The following PKD2 variants were observed in gnomAD, a reference collection of about 807,000 sequenced individuals.
PKD2 encodes the protein polycystin 2, transient receptor potential cation channel, also known as polycystin-2.
In PKD2, 48 loss-of-function variants were observed where a neutral mutation model predicts 105.9. That is an observed-to-expected ratio of 0.45 (90% CI 0.36 to 0.58). PKD2 has a LOEUF of 0.58. Ranked by LOEUF, PKD2 falls within the 20% of genes least tolerant of loss-of-function variation. The pLI, the probability that PKD2 is intolerant of heterozygous loss-of-function variation, is 0.00. For synonymous variants in PKD2, 464 were observed against 481.1 expected (o/e 0.96, Z 0.46); for missense variants, 1,078 against 1,255.3 (o/e 0.86, Z 2.13).
intron 1 of PKD2, among the ~76,000 whole-genome samples, chr4:88,011,907 AG>A (rs1726397115): frequency 2.4e-5 from 1 of 40,928 alleles, no homozygotes; most frequent in Non-Finnish European, 4.8e-5. Flanking sequence ...GGGGGGGGGG[AG>A]GGGCAGTTTT....
At chr4:88,072,331 C>T (rs1243855838) in intron 13 of PKD2, among the ~76,000 whole-genome samples, 3 of 152,152 alleles carry the variant, frequency 2.0e-5, no homozygotes, top group Non-Finnish European at 4.4e-5. Flanking sequence ...TTCCCTGGTT[C>T]TCTCTGGTGA....
rs146214957 is a variant in PKD2, at chr4:88,071,561, TTTG to T, written c.2523-3233_2523-3231del. Among the ~76,000 whole-genome samples, 797 of 152,110 alleles carry T rather than the reference TTTG, an allele frequency of 5.2e-3. 3 individuals are homozygous for T. The highest frequency in any genetic ancestry group is 0.016 in the African/African-American group (681 of 41,486). On this transcript the variant is annotated intron_variant, in intron 13 of 14. Coordinates refer to ENST00000237596, the MANE Select transcript of PKD2 (RefSeq NM_000297.4). ...TTTGTTTTGTTTTTTGTTGTTTTGTTTTGTTGTTGTTGTTGTTGTTAAAGATTG... is the reference window on the plus strand; with the variant it reads ...TTTGTTTTGTTTTTTGTTGTTTTGTTTTGTTGTTGTTGTTGTTAAAGATTG...
At chr4:88,022,341 A>G (rs116718556) in intron 2 of PKD2, among the ~76,000 whole-genome samples, 57 of 152,306 alleles carry the variant, frequency 3.7e-4, no homozygotes, top group African/African-American at 1.3e-3. Flanking sequence ...CTTGTAAATT[A>G]TTAAACTAAA....
intron 2 of PKD2, 95 bp downstream of exon 2, chr4:88,019,666 G>A: frequency 1.3e-6 from 1 of 747,712 alleles, no homozygotes; most frequent in Admixed American, 1.9e-5. Flanking sequence ...GCACCAGAGG[G>A]GCAACTGGGA....
At chr4:88,013,992 G>T (rs77684155) in intron 1 of PKD2, among the ~76,000 whole-genome samples, 1 of 152,276 alleles carries the variant, frequency 6.6e-6, no homozygotes, top group East Asian at 1.9e-4. Flanking sequence ...AGAGGATAGG[G>T]TGAGGTGGGT....
At chr4:88,065,682 C>T in intron 11 of PKD2, 80 bp from the exon 12 acceptor site, 1 of 1,227,778 alleles carries the variant, frequency 8.1e-7, no homozygotes, top group Non-Finnish European at 1.2e-6. Context: ...CTCCTTTCCT[C>T]CTGCATTTTG....
chr4:88,030,150 AT>A (rs1727093827), intron 2 of PKD2, among the ~76,000 whole-genome samples: 1 of 152,072 alleles, frequency 6.6e-6, no homozygotes, highest in Admixed American at 6.6e-5. Context: ...TCTTCCATTT[AT>A]TTATTTATGT....
intron 2 of PKD2, among the ~76,000 whole-genome samples, chr4:88,021,839 C>CT (rs1233974696): frequency 6.6e-6 from 1 of 152,188 alleles, no homozygotes; most frequent in African/African-American, 2.4e-5. Flanking sequence ...AGACAAATAC[C>CT]TAATCTCCTC....
intron 13 of PKD2, 134 bp downstream of exon 13, chr4:88,068,195 A>G: frequency 1.2e-6 from 1 of 824,618 alleles, no homozygotes; most frequent in Non-Finnish European, 2.0e-6. Context: ...TACTGGCCAG[A>G]CGCAGTGGCT....
At chr4:88,066,010 G>C (rs188086267) in intron 12 of PKD2, 131 bp downstream of exon 12, 17 of 719,574 alleles carry the variant, frequency 2.4e-5, no homozygotes, top group African/African-American at 2.1e-4. Flanking sequence ...TCTCTCAGTC[G>C]GTTTATGTGT....
intron 10 of PKD2, among the ~76,000 whole-genome samples, chr4:88,063,240 C>CA (rs2110135552): frequency 6.6e-6 from 1 of 152,284 alleles, no homozygotes; most frequent in Admixed American, 6.5e-5. Flanking sequence ...TGACATTTTA[C>CA]AAAAATGGAT....
chr4:88,064,496 T>C (rs1030433258), intron 10 of PKD2, among the ~76,000 whole-genome samples: 1 of 152,212 alleles, frequency 6.6e-6, no homozygotes, highest in African/African-American at 2.4e-5. Flanking sequence ...CAATTGTAAT[T>C]CTTCCCACTG....
intron 2 of PKD2, among the ~76,000 whole-genome samples, chr4:88,033,095 G>C (rs6850829): frequency 0.4 from 60,385 of 151,846 alleles, 12,716 homozygotes; most frequent in African/African-American, 0.54. Flanking sequence ...CCTGGGACCT[G>C]GCACAGGAGA....
Position 88,075,685 on chromosome 4 carries a change from C to T in PKD2, c.2898C>T (p.Val966=), listed in dbSNP as rs764990967. The T allele has an allele frequency of 6.2e-7, 1 of 1,606,080 alleles. No individual in the cohort carries two copies. Among genetic ancestry groups the T allele is most frequent in the South Asian group, 1.1e-5 (1 of 90,930 alleles). Residue 966 remains valine (V), a synonymous_variant, in exon 15 of 15, where the codon GTC becomes GTT. Coordinates refer to ENST00000237596, the MANE Select transcript of PKD2 (RefSeq NM_000297.4). ...EGAGGNGSSN[V]HV ...CAGGTGGAAATGGGAGTTCTAATGT[C>T]CACGTATGATATGTGTGTTTCAGTA...
Position 88,075,562 on chromosome 4 carries a change from C to G in PKD2, c.2775C>G (p.Ile925Met), listed in dbSNP as rs1374675578. Reference protein sequence around the residue: ...RWESDDAASQISHGLGTPVGL... With the variant: ...RWESDDAASQMSHGLGTPVGL... ...AATCCGATGATGCAGCTTCCCAGAT[C>G]AGTCATGGTTTAGGCACGCCAGTGG... The change falls in exon 15 of 15, where the codon ATC becomes ATG. Residue 925 changes from isoleucine to methionine, a missense_variant. Around this residue, in one of 2 missense-constraint regions of PKD2, gnomAD observed 868 missense variants for 1,067.3 expected, o/e 0.81. Coordinates refer to ENST00000237596, the MANE Select transcript of PKD2 (RefSeq NM_000297.4). 1.2e-6 allele frequency: 2 copies of G among 1,613,962 alleles called. No homozygotes were observed. Among genetic ancestry groups the G allele is most frequent in the African/African-American group, 2.7e-5 (2 of 74,922 alleles).
chr4:88,035,075 C>CA (rs568427394), intron 2 of PKD2, among the ~76,000 whole-genome samples: 10 of 151,974 alleles, frequency 6.6e-5, no homozygotes, highest in Non-Finnish European at 1.0e-4. Context: ...ATTTAGGCAC[C>CA]AAAAAATCCA....
intron 9 of PKD2, among the ~76,000 whole-genome samples, chr4:88,058,332 A>G (rs532129192): frequency 1.1e-4 from 17 of 152,258 alleles, no homozygotes; most frequent in African/African-American, 4.1e-4. Context: ...TGTCTATTCA[A>G]TGCAAAAAAA....
chr4:88,065,634 A>G lies in PKD2; in HGVS notation c.2241-128A>G, dbSNP rs1255077347. The G allele has an allele frequency of 8.5e-6, 10 of 1,179,836 alleles. No individual in the cohort carries two copies. The Admixed American group carries it at 1.6e-4, about 18-fold the overall frequency. The allele number at this position is 1,179,836 out of a possible 1,614,324, so 73.1% of individuals were successfully genotyped here. ...CCAGAGGCAGGTATCTTTCTGGAAC[A>G]TGTTATAAGAGGAAAACTTGCCCCC... On this transcript the variant is annotated intron_variant, in intron 11 of 14. Coordinates refer to ENST00000237596, the MANE Select transcript of PKD2 (RefSeq NM_000297.4).
Position 88,051,036 on chromosome 4 carries a change from C to T in PKD2, c.1549-955C>T, listed in dbSNP as rs183184398. On this transcript the variant is annotated intron_variant, in intron 6 of 14. Coordinates refer to ENST00000237596, the MANE Select transcript of PKD2 (RefSeq NM_000297.4). ...GCCCACCTGCTGCAGATTCAGACCC[C>T]CTGGTGGGGCCAGGTTGTTATGACT... is the stretch of plus-strand genomic sequence containing the variant. Among the ~76,000 whole-genome samples, 123 of 152,282 alleles carry T rather than the reference C, an allele frequency of 8.1e-4. 1 individual carries two copies. The highest frequency in any genetic ancestry group is 2.7e-3 in the African/African-American group (114 of 41,562).
Sources: gnomAD v4.1 joint callset for allele counts (sites outside exome capture counted in the v4.1 genomes callset) on GRCh38, gnomAD v4.1.1 for gene constraint, gnomAD v4.1.1 regional missense constraint, MANE v1.5 for transcripts, NCBI Gene and HGNC (gene_info 2026-07-23, HGNC 2026-07-21) for gene names.